Variants in CCDC150 observed in about 807,000 individuals in gnomAD.
The protein encoded by CCDC150 is coiled-coil domain containing 150, also known as coiled-coil domain-containing protein 150.
In CCDC150, 151 loss-of-function variants were observed where a neutral mutation model predicts 156.5. The observed-to-expected ratio is 0.97, with a 90% confidence interval of 0.85 to 1.10. The LOEUF (loss-of-function observed/expected upper bound fraction) is 1.10, where lower values mean the gene tolerates loss of function less well. Ranked by LOEUF, CCDC150 falls within the 50% of genes least tolerant of loss-of-function variation. The pLI, the probability that CCDC150 is intolerant of heterozygous loss-of-function variation, is 0.00. For synonymous variants in CCDC150, 452 were observed against 429.4 expected (o/e 1.05, Z -0.65); for missense variants, 1,312 against 1,268.1 (o/e 1.03, Z -0.53).
At chr2:196,691,107 A>C (rs2125644223) in intron 13 of CCDC150, among the ~76,000 whole-genome samples, 1 of 152,322 alleles carries the variant, frequency 6.6e-6, no homozygotes, top group Admixed American at 6.5e-5. Flanking sequence ...TCAGTTTGCC[A>C]GTATTTCACT....
chr2:196,657,434 G>A, intron 4 of CCDC150: 1 of 255,184 alleles, frequency 3.9e-6, no homozygotes, highest in Non-Finnish European at 7.5e-6. Context: ...TGCTAGTTGG[G>A]AGAACAAGCT....
chr2:196,696,013 T>G (rs2125654804), intron 14 of CCDC150, among the ~76,000 whole-genome samples: 1 of 152,328 alleles, frequency 6.6e-6, no homozygotes, highest in East Asian at 1.9e-4. Context: ...TCTTTCAAAC[T>G]GTTATAAGCT....
chr2:196,702,700 T>C (rs890908126), intron 15 of CCDC150, among the ~76,000 whole-genome samples: 6 of 151,598 alleles, frequency 4.0e-5, no homozygotes, highest in Non-Finnish European at 7.4e-5. Context: ...GTTACAACCA[T>C]AGTTGAGGCC....
At chr2:196,640,942 A>G (rs988935573) in intron 1 of CCDC150, among the ~76,000 whole-genome samples, 8 of 151,622 alleles carry the variant, frequency 5.3e-5, no homozygotes, top group African/African-American at 1.9e-4. Flanking sequence ...CCAGACTTCT[A>G]CAATGGCCTT....
At chr2:196,667,249 C>CTCCATTCTTCATGTT (rs766425837) in intron 7 of CCDC150, 45 of 225,668 alleles carry the variant, frequency 2.0e-4, no homozygotes, top group Non-Finnish European at 3.5e-4. Flanking sequence ...ATGTCAGATT[C>CTCCATTCTTCATGTT]TCCATTCTTC....
chr2:196,691,196 T>C (rs530631639), intron 13 of CCDC150, among the ~76,000 whole-genome samples: 4 of 152,348 alleles, frequency 2.6e-5, no homozygotes, highest in African/African-American at 9.6e-5. Flanking sequence ...TGCCAGGTTT[T>C]GGTATCAGGA....
rs1301070844 is a variant in CCDC150 at position 196,720,573 on chromosome 2, A to C, written c.2166-2A>C. 1 of 1,612,558 alleles carries C rather than the reference A, an allele frequency of 6.2e-7. No homozygotes were observed. The highest frequency in any genetic ancestry group is 1.1e-5 in the South Asian group (1 of 90,884). ...CACTCTTTTTGTGCTTTTTATTTTTAGGGATCTCAATCAACAGAGGGTGCA... is the reference window on the plus strand; with the variant it reads ...CACTCTTTTTGTGCTTTTTATTTTTCGGGATCTCAATCAACAGAGGGTGCA... On this transcript the variant is annotated splice_acceptor_variant, in intron 19 of 27. Transcript: ENST00000389175. LOFTEE classifies it high-confidence loss of function.
chr2:196,684,104 T>C (rs564437174), intron 13 of CCDC150, among the ~76,000 whole-genome samples: 2 of 152,214 alleles, frequency 1.3e-5, no homozygotes, highest in African/African-American at 4.8e-5. Flanking sequence ...TTTCATTTTT[T>C]AAATGTAAGT....
chr2:196,685,097 G>A (rs977248006), intron 13 of CCDC150, among the ~76,000 whole-genome samples: 6 of 150,798 alleles, frequency 4.0e-5, no homozygotes, highest in East Asian at 2.0e-4. Flanking sequence ...TTTTTGTTTC[G>A]TTTTTTGCTT....
chr2:196,655,640 C>T (rs565194441), intron 2 of CCDC150, among the ~76,000 whole-genome samples: 1 of 152,278 alleles, frequency 6.6e-6, no homozygotes, highest in African/African-American at 2.4e-5. Flanking sequence ...CTCTGCACTG[C>T]TTCCAAGAGG....
rs566845995 is a variant in CCDC150 at position 196,653,769 on chromosome 2, C to A, written c.177-2864C>A. Among the ~76,000 whole-genome samples the A allele has an allele frequency of 7.9e-5, 12 of 152,300 alleles. No individual in the cohort carries two copies. The South Asian group carries it at 2.3e-3, about 29-fold the overall frequency. ...ATTTTCAATTACCTTTTTAGCAATG[C>A]CTCACTCTTTGTTACCAACATTCTG... On this transcript the variant is annotated intron_variant, in intron 2 of 27. Transcript: ENST00000389175.
At chr2:196,694,928 C>A in intron 13 of CCDC150, 118 bp from the exon 14 acceptor site, 1 of 533,052 alleles carries the variant, frequency 1.9e-6, no homozygotes, top group Non-Finnish European at 3.3e-6. Flanking sequence ...CATTTAGAGG[C>A]AAGGAAACAT....
chr2:196,732,011 A>G, intron 26 of CCDC150, 22 bp from the exon 27 acceptor site: 1 of 1,608,566 alleles, frequency 6.2e-7, no homozygotes, highest in Non-Finnish European at 8.5e-7. Context: ...GTGTCTTTTA[A>G]TGGTGATATT....
In CCDC150 at chr2:196,682,022, T is replaced by C. The variant is rs927544062; in HGVS notation, c.1509+4661T>C. 2.4e-4 allele frequency among the ~76,000 whole-genome samples: 37 copies of C among 152,222 alleles called. 1 individual carries two copies. The highest frequency in any genetic ancestry group is 5.3e-4 in the African/African-American group (22 of 41,572). On this transcript the variant is annotated intron_variant, in intron 13 of 27. Transcript: ENST00000389175. ...TGTTTGAGTATTATAGTTGAGAAAC[T>C]CTTGCCTAACTCAAGATCATATAGA...
Position 196,665,514 on chromosome 2 carries a change from T to C in CCDC150, c.646-53T>C, listed in dbSNP as rs898040336. On this transcript the variant is annotated intron_variant, in intron 5 of 27. Coordinates refer to ENST00000389175, the MANE Select transcript of CCDC150 (RefSeq NM_001080539.2). ...AAACTTCTCAGGTAACTTTGATCTT[T>C]GTTAAACTAGTATGATCAATTGGTC... 7.5e-6 allele frequency: 8 copies of C among 1,060,938 alleles called. No individual in the cohort carries two copies. In the African/African-American group the frequency reaches 1.1e-4, roughly 15 times the overall value. 65.7% of individuals were successfully genotyped at this position (1,060,938 alleles called of 1,614,324 possible).
intron 13 of CCDC150, among the ~76,000 whole-genome samples, chr2:196,686,527 G>T (rs1433467348): frequency 6.6e-6 from 1 of 152,120 alleles, no homozygotes; most frequent in African/African-American, 2.4e-5. Context: ...AATACAGTTA[G>T]GTTGTCACTT....
At chr2:196,650,698 T>C (rs758302246) in intron 2 of CCDC150, among the ~76,000 whole-genome samples, 1 of 152,190 alleles carries the variant, frequency 6.6e-6, no homozygotes, top group Non-Finnish European at 1.5e-5. Context: ...GCTGCTAGTG[T>C]TTTTATTGAT....
chr2:196,645,783 A>G (rs1036437971), intron 1 of CCDC150, among the ~76,000 whole-genome samples: 1 of 152,208 alleles, frequency 6.6e-6, no homozygotes, highest in African/African-American at 2.4e-5. Flanking sequence ...GCTTCAATGC[A>G]GGATACATAG....
chr2:196,654,933 C>T (rs1693100695), intron 2 of CCDC150, among the ~76,000 whole-genome samples: 1 of 152,196 alleles, frequency 6.6e-6, no homozygotes. Flanking sequence ...TGTGTACAAT[C>T]TGATATCTCT....
Sources: gnomAD v4.1 joint callset for allele counts (sites outside exome capture counted in the v4.1 genomes callset) on GRCh38, gnomAD v4.1.1 for gene constraint, MANE v1.5 for transcripts, NCBI Gene and HGNC (gene_info 2026-07-23, HGNC 2026-07-21) for gene names.